MSH4: variants seen among roughly 807,000 people sequenced by gnomAD.
MSH4 encodes the protein mutS protein homolog 4.
In MSH4, 106 loss-of-function variants were observed where a neutral mutation model predicts 113.7. The observed-to-expected ratio is 0.93, with a 90% CI of 0.80 to 1.10. The LOEUF (loss-of-function observed/expected upper bound fraction) is 1.10, where lower values mean the gene tolerates loss of function less well. Ranked by LOEUF, MSH4 falls within the 50% of genes least tolerant of loss-of-function variation. The pLI is 0.00. For missense variants in MSH4, 1,061 were observed against 1,093.7 expected (o/e 0.97, Z 0.42); for synonymous variants, 368 against 380.2 (o/e 0.97, Z 0.37).
chr1:75,883,731 A>C lies in MSH4; in HGVS notation c.2017A>C (p.Ser673Arg), dbSNP rs779965517. 3.1e-6 allele frequency: 5 copies of C among 1,613,414 alleles called. No homozygotes were observed. Among genetic ancestry groups the C allele is most frequent in the Non-Finnish European group, 4.2e-6 (5 of 1,179,622 alleles). ...CAACAATACCTATGTTACAGAAGGG[A>C]GTAATTTTTTGATCATAACTGGACC... ...IANNTYVTEG[S>R]NFLIITGPNM... Residue 673 changes from serine to arginine, a missense_variant, in exon 15 of 20, where the codon AGT (serine) becomes CGT (arginine). Physicochemically the swap from Ser to Arg is moderately radical, Grantham distance 110 (BLOSUM62 -1). Transcript: ENST00000263187.
At chr1:75,809,629 C>CTTTTTTTTTTTTTTTTTT (rs35082709) in intron 3 of MSH4, among the ~76,000 whole-genome samples, 1 of 96,046 alleles carries the variant, frequency 1.0e-5, no homozygotes. Context: ...CATAGTTACC[C>CTTTTTTTTTTTTTTTTTT]TTTTTTTTTT....
chr1:75,845,714 G>A (rs1452376947), intron 7 of MSH4, among the ~76,000 whole-genome samples: 5 of 152,068 alleles, frequency 3.3e-5, no homozygotes, highest in Admixed American at 1.3e-4. Flanking sequence ...GTGGTCTCAG[G>A]GTGGGGAGGT....
rs1429834845 is a variant in MSH4, at chr1:75,880,165, T to A, written c.1781+12T>A. On this transcript the variant is annotated intron_variant, in intron 13 of 19. Transcript: ENST00000263187. ...CACATGACTTATATGTAAGAGCATT[T>A]GAAGTATTTGAATATTGAATTAAAT... 5.2e-6 allele frequency: 7 copies of A among 1,337,984 alleles called. No homozygotes were observed. The highest frequency in any genetic ancestry group is 7.3e-6 in the Non-Finnish European group (7 of 956,586). The allele number at this position is 1,337,984 out of a possible 1,614,324, so 82.9% of individuals were successfully genotyped here.
At chr1:75,910,461 G>A (rs1344483180) in intron 19 of MSH4, among the ~76,000 whole-genome samples, 2 of 150,572 alleles carry the variant, frequency 1.3e-5, no homozygotes, top group Non-Finnish European at 2.9e-5. Flanking sequence ...TTGAAACAAG[G>A]TCTCACTGTG....
intron 3 of MSH4, among the ~76,000 whole-genome samples, chr1:75,809,775 C>T (rs758891687): frequency 6.6e-6 from 1 of 151,820 alleles, no homozygotes; most frequent in African/African-American, 2.4e-5. Flanking sequence ...CTCAGCCTCC[C>T]AAGTAGCTGG....
Position 75,822,512 on chromosome 1 carries a change from A to C in MSH4, c.1093A>C (p.Ile365Leu), listed in dbSNP as rs17853142. 1.3e-6 allele frequency: 2 copies of C among 1,586,922 alleles called. No homozygotes were observed. The highest frequency in any genetic ancestry group is 2.3e-5 in the South Asian group (2 of 85,732). Residue 365 changes from isoleucine (I) to leucine (L), a missense_variant, in exon 7 of 20, where the codon ATT becomes CTT. By Grantham distance (5) the Ile-to-Leu change is conservative. Transcript: ENST00000263187. Reference sequence around the variant, plus strand: ...AGAGCCTCTAGTTGATATTGAAACCATTAACATGAGATTAGATTGTGTTCA... The same window carrying C: ...AGAGCCTCTAGTTGATATTGAAACCCTTAACATGAGATTAGATTGTGTTCA... The part of the protein sequence containing the change: ...ILEPLVDIET[I>L]NMRLDCVQEL...
At chr1:75,812,525 C>G (rs761747611) in intron 4 of MSH4, among the ~76,000 whole-genome samples, 4 of 152,132 alleles carry the variant, frequency 2.6e-5, no homozygotes, top group Non-Finnish European at 5.9e-5. Context: ...AACCCCATCT[C>G]TACTAAAAAT....
chr1:75,888,006 G>A (rs535964174), intron 15 of MSH4, among the ~76,000 whole-genome samples: 5 of 149,758 alleles, frequency 3.3e-5, no homozygotes, highest in Admixed American at 1.4e-4. Context: ...TAATTTATTG[G>A]GTTATTTTGA....
chr1:75,905,341 T>TTA (rs1015498225), intron 19 of MSH4, among the ~76,000 whole-genome samples: 5 of 152,094 alleles, frequency 3.3e-5, no homozygotes, highest in Admixed American at 2.6e-4. Flanking sequence ...TTCCATGTAT[T>TTA]TATATATATA....
chr1:75,844,356 T>C (rs1651032003), intron 7 of MSH4, among the ~76,000 whole-genome samples: 1 of 152,190 alleles, frequency 6.6e-6, no homozygotes, highest in Admixed American at 6.5e-5. Flanking sequence ...AGACAGAGTC[T>C]GACTCTGTTG....
chr1:75,820,190 AC>A (rs1196999123), intron 6 of MSH4, among the ~76,000 whole-genome samples: 5 of 152,250 alleles, frequency 3.3e-5, no homozygotes, highest in African/African-American at 1.2e-4. Context: ...GAATAAATAG[AC>A]TAGAAAACTT....
chr1:75,900,826 TGAA>T (rs751674311), intron 19 of MSH4, among the ~76,000 whole-genome samples: 6 of 152,190 alleles, frequency 3.9e-5, no homozygotes, highest in Non-Finnish European at 5.9e-5. Context: ...TTCTGTACTC[TGAA>T]GAAGCTCTTA....
At chr1:75,863,136 A>G (rs1651493933) in intron 8 of MSH4, among the ~76,000 whole-genome samples, 1 of 152,128 alleles carries the variant, frequency 6.6e-6, no homozygotes. Context: ...AGACTGCCAT[A>G]TAGAGTATCT....
intron 15 of MSH4, among the ~76,000 whole-genome samples, chr1:75,888,737 A>G (rs1317019967): frequency 6.6e-6 from 1 of 152,072 alleles, no homozygotes; most frequent in East Asian, 1.9e-4. Context: ...CATAAGCTTT[A>G]TAAGCATTCC....
intron 7 of MSH4, among the ~76,000 whole-genome samples, chr1:75,830,180 A>G (rs938226999): frequency 3.3e-5 from 5 of 152,164 alleles, no homozygotes; most frequent in Admixed American, 6.6e-5. Flanking sequence ...AGTGGAAGAA[A>G]GGCTATCAGT....
At chr1:75,854,577 C>T (rs1651274656) in intron 8 of MSH4, among the ~76,000 whole-genome samples, 1 of 152,042 alleles carries the variant, frequency 6.6e-6, no homozygotes, top group African/African-American at 2.4e-5. Flanking sequence ...CTATACCACC[C>T]GTCCGTCCTC....
At chr1:75,860,480 A>C (rs1204962502) in intron 8 of MSH4, among the ~76,000 whole-genome samples, 1 of 152,152 alleles carries the variant, frequency 6.6e-6, no homozygotes, top group African/African-American at 2.4e-5. Flanking sequence ...ATCTCTCAGC[A>C]TTTGCTTCTC....
At chr1:75,873,140 C>A (rs577046351) in intron 9 of MSH4, among the ~76,000 whole-genome samples, 3 of 152,288 alleles carry the variant, frequency 2.0e-5, no homozygotes, top group Admixed American at 1.3e-4. Flanking sequence ...GCCTGAATCA[C>A]CAGGGACATT....
At chr1:75,819,618 A>T (rs568068781) in intron 6 of MSH4, among the ~76,000 whole-genome samples, 84 of 152,392 alleles carry the variant, frequency 5.5e-4, no homozygotes, top group African/African-American at 2.0e-3. Flanking sequence ...GGGCTCAAAA[A>T]GTATTTGTTA....
Sources: allele counts gnomAD v4.1 joint callset (sites outside exome capture counted in the v4.1 genomes callset), GRCh38; gene constraint gnomAD v4.1.1; transcripts MANE v1.5; gene names NCBI Gene and HGNC (gene_info 2026-07-23, HGNC 2026-07-21).